Variants in C1GALT1 observed in about 807,000 individuals in gnomAD.
The protein encoded by C1GALT1 is core 1 synthase, glycoprotein-N-acetylgalactosamine 3-beta-galactosyltransferase 1.
A neutral mutation model predicts 31.0 loss-of-function variants in C1GALT1; 11 were observed. The observed-to-expected ratio is 0.36, with a 90% CI of 0.22 to 0.59. C1GALT1 has a LOEUF of 0.59. C1GALT1 is among the 20% of genes least tolerant of loss of function. The probability of loss-of-function intolerance (pLI) is 0.79; values close to 1 mark genes in which losing one functional copy is unlikely to be tolerated. For missense variants in C1GALT1, 424 were observed against 425.2 expected (o/e 1.00, Z 0.03); for synonymous variants, 175 against 143.6 (o/e 1.22, Z -1.56).
intron 1 of C1GALT1, among the ~76,000 whole-genome samples, chr7:7,217,679 G>A (rs1266385455): frequency 1.3e-5 from 2 of 152,182 alleles, no homozygotes; most frequent in Non-Finnish European, 1.5e-5. Flanking sequence ...TTGTTTTTAT[G>A]TATTTCCTTA....
intron 1 of C1GALT1, among the ~76,000 whole-genome samples, chr7:7,207,532 C>G (rs1413083192): frequency 6.6e-6 from 1 of 151,564 alleles, no homozygotes; most frequent in African/African-American, 2.4e-5. Context: ...ATTTTCTTAA[C>G]TTGGTCCACA....
rs569031696 is a variant in C1GALT1, at chr7:7,212,149, A to G, written c.-17-22154A>G. 1.2e-4 allele frequency among the ~76,000 whole-genome samples: 18 copies of G among 152,310 alleles called. No individual in the cohort carries two copies. The South Asian group carries it at 1.9e-3, about 16-fold the overall frequency. The stretch of plus-strand genomic sequence containing the variant: ...AAGCCTAGGCCAGCAATGGGTTTCT[A>G]TCCTCAAATACCTGTGAGTTAGGTG... On this transcript the variant is annotated intron_variant, in intron 1 of 3. Transcript: ENST00000436587.
chr7:7,206,370 A>C (rs1781739846), intron 1 of C1GALT1, among the ~76,000 whole-genome samples: 1 of 152,090 alleles, frequency 6.6e-6, no homozygotes, highest in African/African-American at 2.4e-5. Flanking sequence ...TCTACAGAGC[A>C]GGTCTTTTGG....
intron 1 of C1GALT1, among the ~76,000 whole-genome samples, chr7:7,211,422 C>T (rs1330189089): frequency 6.6e-6 from 1 of 152,148 alleles, no homozygotes; most frequent in Middle Eastern, 3.2e-3. Flanking sequence ...AAAAAAAGTC[C>T]TAGCAGACTC....
At chr7:7,227,827 A>T (rs1233547706) in intron 1 of C1GALT1, among the ~76,000 whole-genome samples, 1 of 152,038 alleles carries the variant, frequency 6.6e-6, no homozygotes, top group South Asian at 2.1e-4. Context: ...TTCAGAGGAG[A>T]GTCCTCAACA....
At position 7,234,400 on chromosome 7, in the gene C1GALT1, T is replaced by C. The variant is rs1783238836; in HGVS notation, c.81T>C (p.Phe27=). The C allele has an allele frequency of 5.0e-6, 8 of 1,613,978 alleles. No individual in the cohort carries two copies. In the East Asian group the frequency reaches 1.6e-4, roughly 31 times the overall value. Reference sequence around the variant, plus strand: ...GATTTCTTTTATGTTCTCAGCTATTTAGTATTTTGTTGGGAGAAAAGGTTG... The same window carrying C: ...GATTTCTTTTATGTTCTCAGCTATTCAGTATTTTGTTGGGAGAAAAGGTTG... ...AIGFLLCSQL[F]SILLGEKVDT... is the part of the protein sequence containing the mutation. The change falls in exon 2 of 4, where the codon TTT becomes TTC. Residue 27 remains phenylalanine, a synonymous_variant. Transcript: ENST00000436587.
chr7:7,199,072 C>A (rs969230486), intron 1 of C1GALT1, among the ~76,000 whole-genome samples: 2 of 152,134 alleles, frequency 1.3e-5, no homozygotes, highest in Non-Finnish European at 2.9e-5. Context: ...TTCTTGCCTT[C>A]TGCTAGCTTC....
chr7:7,214,462 A>G (rs1253412883), intron 1 of C1GALT1, among the ~76,000 whole-genome samples: 4 of 152,214 alleles, frequency 2.6e-5, no homozygotes, highest in Non-Finnish European at 5.9e-5. Context: ...AAGTATACCT[A>G]TAACTTGAAT....
intron 2 of C1GALT1, among the ~76,000 whole-genome samples, chr7:7,158,095 C>G (rs908578194): frequency 2.0e-5 from 3 of 152,188 alleles, no homozygotes; most frequent in African/African-American, 7.2e-5. Flanking sequence ...ATGACCACAG[C>G]TGAAATATTT....
chr7:7,239,171 C>G lies in C1GALT1; in HGVS notation c.888+249C>G, dbSNP rs140504664. On this transcript the variant is annotated intron_variant, in intron 3 of 3. Coordinates refer to ENST00000436587, the MANE Select transcript of C1GALT1 (RefSeq NM_020156.5). Reference sequence around the variant, plus strand: ...TGAGAATGTAGAAGTAAATCACAGCCAATTTCCAGTTCTCGTGAACCTTAC... The same window carrying G: ...TGAGAATGTAGAAGTAAATCACAGCGAATTTCCAGTTCTCGTGAACCTTAC... 1.2e-4 allele frequency among the ~76,000 whole-genome samples: 19 copies of G among 152,292 alleles called. No individual in the cohort carries two copies. The East Asian group carries it at 3.5e-3, about 28-fold the overall frequency.
At position 7,182,828 on chromosome 7, in the gene C1GALT1, C is replaced by G; in HGVS notation, c.-18+8C>G. The G allele has an allele frequency of 2.0e-6, 2 of 985,558 alleles. No individual in the cohort carries two copies. Among genetic ancestry groups the G allele is most frequent in the Non-Finnish European group, 2.4e-6 (2 of 830,080 alleles). The allele number at this position is 985,558 out of a possible 1,614,324, so 61.1% of individuals were successfully genotyped here. A position where few individuals can be genotyped will look rare whatever the true frequency, so the allele number is the denominator to read the frequency against. On this transcript the variant is annotated splice_region_variant and intron_variant, in intron 1 of 3. Coordinates refer to ENST00000436587, the MANE Select transcript of C1GALT1 (RefSeq NM_020156.5). The stretch of plus-strand genomic sequence containing the variant: ...AGCCGCAGCTGATGTCAGGTATGGC[C>G]GGCGGAGGCGCCCTCAGGCTACGGG...
chr7:7,231,660 T>G (rs1307822981), intron 1 of C1GALT1, among the ~76,000 whole-genome samples: 1 of 152,212 alleles, frequency 6.6e-6, no homozygotes, highest in East Asian at 1.9e-4. Flanking sequence ...AAGCTAAAAA[T>G]ATGAAAATCT....
At chr7:7,165,795 G>GGAACGAGTTGGAAAATTCCAT (rs1780385979) in intron 2 of C1GALT1, among the ~76,000 whole-genome samples, 1 of 152,142 alleles carries the variant, frequency 6.6e-6, no homozygotes, top group Admixed American at 6.5e-5. Flanking sequence ...TCAACATGAT[G>GGAACGAGTTGGAAAATTCCAT]CTACGAGTGG....
intron 1 of C1GALT1, among the ~76,000 whole-genome samples, chr7:7,191,052 A>G (rs1039694450): frequency 6.6e-6 from 1 of 152,046 alleles, no homozygotes; most frequent in Non-Finnish European, 1.5e-5. Context: ...AACTACATTT[A>G]TATTGTTGTG....
chr7:7,180,853 C>G (rs1562555400), upstream of C1GALT1, among the ~76,000 whole-genome samples: 2 of 148,866 alleles, frequency 1.3e-5, no homozygotes, highest in Non-Finnish European at 3.0e-5. Flanking sequence ...GCCAAGATCA[C>G]ACCTGTGAAT....
chr7:7,218,836 A>AT (rs1281043126), intron 1 of C1GALT1, among the ~76,000 whole-genome samples: 16,743 of 141,888 alleles, frequency 0.12, 1,953 homozygotes, highest in African/African-American at 0.3. Context: ...CCGTGTTTCT[A>AT]TTTTTTTTTT....
intron 1 of C1GALT1, among the ~76,000 whole-genome samples, chr7:7,229,830 C>T (rs968007538): frequency 2.0e-5 from 3 of 152,146 alleles, no homozygotes; most frequent in Admixed American, 6.6e-5. Context: ...AAACTTGTTT[C>T]TGGTTTTCCT....
chr7:7,173,106 C>T (rs1228361048), intron 2 of C1GALT1, among the ~76,000 whole-genome samples: 1 of 151,970 alleles, frequency 6.6e-6, no homozygotes, highest in Admixed American at 6.6e-5. Context: ...AAATGTAATC[C>T]CCAATGTTGG....
chr7:7,203,689 A>T (rs777078511), intron 1 of C1GALT1, among the ~76,000 whole-genome samples: 1 of 150,732 alleles, frequency 6.6e-6, no homozygotes, highest in Non-Finnish European at 1.5e-5. Flanking sequence ...TCTCATTTCT[A>T]TTTCTAAAAA....
Sources: allele counts gnomAD v4.1 joint callset (sites outside exome capture counted in the v4.1 genomes callset), GRCh38; gene constraint gnomAD v4.1.1; transcripts MANE v1.5; gene names NCBI Gene and HGNC (gene_info 2026-07-23, HGNC 2026-07-21).